The following OSBPL5 variants were observed in gnomAD, a reference collection of about 807,000 sequenced individuals.
OSBPL5 encodes oxysterol-binding protein-related protein 5.
A neutral mutation model predicts 111.2 loss-of-function variants in OSBPL5; 71 were observed. The ratio of observed to expected loss-of-function variants is 0.64; its 90% CI spans 0.53 to 0.78. The LOEUF (loss-of-function observed/expected upper bound fraction) is 0.78. Ranked by LOEUF, OSBPL5 falls within the 30% of genes least tolerant of loss-of-function variation. OSBPL5 has a pLI of 0.00. For synonymous variants in OSBPL5, 549 were observed against 513.9 expected (o/e 1.07, Z -0.93); for missense variants, 1,210 against 1,189.3 (o/e 1.02, Z -0.26).
chr11:3,101,787 C>T (rs1051387167), intron 12 of OSBPL5, 88 bp from the exon 13 acceptor site: 2 of 1,094,580 alleles, frequency 1.8e-6, no homozygotes, highest in Admixed American at 4.1e-5. Context: ...AAAACCTGTC[C>T]CTGTCCCTGA....
intron 1 of OSBPL5, among the ~76,000 whole-genome samples, chr11:3,135,047 C>T (rs1279851543): frequency 6.6e-6 from 1 of 152,212 alleles, no homozygotes; most frequent in African/African-American, 2.4e-5. Context: ...GCAGGGGGCT[C>T]CTCCTTCTTC....
chr11:3,134,681 G>GAA (rs1173018428), intron 1 of OSBPL5, among the ~76,000 whole-genome samples: 2 of 152,262 alleles, frequency 1.3e-5, no homozygotes, highest in Non-Finnish European at 2.9e-5. Flanking sequence ...GCTGTCCACC[G>GAA]AAAGAATGTG....
chr11:3,127,674 C>T (rs565037707), intron 2 of OSBPL5, among the ~76,000 whole-genome samples: 1 of 152,360 alleles, frequency 6.6e-6, no homozygotes, highest in East Asian at 1.9e-4. Flanking sequence ...GTTCTAGGGG[C>T]TTGGCCTGTG....
At chr11:3,101,177 G>A (rs1163772237) in intron 13 of OSBPL5, among the ~76,000 whole-genome samples, 1 of 151,984 alleles carries the variant, frequency 6.6e-6, no homozygotes, top group East Asian at 1.9e-4. Flanking sequence ...GTTTCACCAT[G>A]TTGGACAGTC....
At chr11:3,152,949 A>G (rs1465935038) in intron 1 of OSBPL5, among the ~76,000 whole-genome samples, 1 of 152,008 alleles carries the variant, frequency 6.6e-6, no homozygotes, top group African/African-American at 2.4e-5. Flanking sequence ...TTTTCTAACA[A>G]TCTTACTCAT....
rs898491161 is a variant in OSBPL5 at position 3,107,137 on chromosome 11, T to A, written c.1059+126A>T. 12 of 986,294 alleles carry A rather than the reference T, an allele frequency of 1.2e-5. No individual in the cohort carries two copies. Among genetic ancestry groups the A allele is most frequent in the African/African-American group, 3.3e-5 (2 of 60,932 alleles). 61.1% of individuals were successfully genotyped at this position (986,294 alleles called of 1,614,324 possible). ...AGCTCCTGGACTCACTGCCAAGTGATGGGGACAAAAGCTACCCCCTGGGCC... is the reference window on the plus strand; with the variant it reads ...AGCTCCTGGACTCACTGCCAAGTGAAGGGGACAAAAGCTACCCCCTGGGCC... On this transcript the variant is annotated intron_variant, in intron 9 of 21. Coordinates refer to ENST00000263650, the MANE Select transcript of OSBPL5 (RefSeq NM_020896.4). The surrounding 1 kb of genome is among the most constrained non-coding windows in gnomAD (Gnocchi z 6.1).
intron 1 of OSBPL5, chr11:3,164,187 T>A (rs1023722316): frequency 6.6e-6 from 1 of 152,154 alleles, no homozygotes; most frequent in African/African-American, 2.4e-5. Context: ...AAAGGCACCT[T>A]GAAGAGACTG....
At chr11:3,153,785 G>A (rs903998762) in intron 1 of OSBPL5, among the ~76,000 whole-genome samples, 3 of 152,274 alleles carry the variant, frequency 2.0e-5, no homozygotes, top group African/African-American at 4.8e-5. Context: ...CACGACTCCC[G>A]AGTGGCCCAC....
intron 1 of OSBPL5, among the ~76,000 whole-genome samples, chr11:3,152,912 G>C (rs1021016994): frequency 6.6e-6 from 1 of 152,088 alleles, no homozygotes; most frequent in Non-Finnish European, 1.5e-5. Context: ...TCCTCCTGCC[G>C]CGTCCGTCCG....
chr11:3,149,407 G>A (rs978706332), intron 1 of OSBPL5, among the ~76,000 whole-genome samples: 2 of 152,252 alleles, frequency 1.3e-5, no homozygotes, highest in Admixed American at 6.5e-5. Flanking sequence ...CTCTGGTGAG[G>A]GAGGCAGTGA....
At chr11:3,123,513 C>T (rs1014284754) in intron 3 of OSBPL5, among the ~76,000 whole-genome samples, 49 of 152,378 alleles carry the variant, frequency 3.2e-4, no homozygotes, top group African/African-American at 9.1e-4. Context: ...GTACCTGGAA[C>T]GGAGCCTGCG....
In OSBPL5 at chr11:3,163,294, G is replaced by A. The variant is rs541662099; in HGVS notation, c.-22+1922C>T. ...ACCTGCACACTGTGCCTGTATGTGT[G>A]CAAACGTGTGCAGGCTTAACCACAG... On this transcript the variant is annotated intron_variant, in intron 1 of 21. Transcript: ENST00000263650. Among the ~76,000 whole-genome samples, 8 of 152,304 alleles carry A rather than the reference G, an allele frequency of 5.3e-5. No homozygotes were observed. In the South Asian group the frequency reaches 1.7e-3, roughly 32 times the overall value.
intron 17 of OSBPL5, chr11:3,093,295 C>T: frequency 1.3e-6 from 1 of 774,138 alleles, no homozygotes; most frequent in Non-Finnish European, 2.0e-6. Flanking sequence ...TGGTCACTCG[C>T]CGGCAGTGAT....
chr11:3,122,401 C>G lies in OSBPL5; in HGVS notation c.247G>C (p.Asp83His), dbSNP rs967779364. The change falls in exon 4 of 22, where the codon GAC becomes CAC. Residue 83 changes from aspartate (D) to histidine (H), a missense_variant. Transcript: ENST00000263650. ...GCGGTGGGGGACACACATTCCTTGTCTGACCCGTTGCACAGCCTGTACTCT... is the reference window on the plus strand; with the variant it reads ...GCGGTGGGGGACACACATTCCTTGTGTGACCCGTTGCACAGCCTGTACTCT... Reference protein sequence around the residue: ...PAEYRLCNGSDKECVSPTARV... With the variant: ...PAEYRLCNGSHKECVSPTARV... The G allele has an allele frequency of 6.2e-7, 1 of 1,613,812 alleles. No homozygotes were observed. The highest frequency in any genetic ancestry group is 8.5e-7 in the Non-Finnish European group (1 of 1,179,990).
intron 1 of OSBPL5, 39 bp from the exon 2 acceptor site, chr11:3,129,208 C>T: frequency 7.4e-7 from 1 of 1,358,100 alleles, no homozygotes; most frequent in Non-Finnish European, 9.5e-7. Context: ...AGGTCACCGC[C>T]CCGGAAGGGG....
intron 2 of OSBPL5, among the ~76,000 whole-genome samples, chr11:3,127,988 C>T (rs955208396): frequency 6.6e-6 from 1 of 152,220 alleles, no homozygotes; most frequent in African/African-American, 2.4e-5. Context: ...CCCCTCCCCA[C>T]CCCTGACTCT....
At chr11:3,160,132 G>A (rs1846910714) in intron 1 of OSBPL5, among the ~76,000 whole-genome samples, 1 of 152,020 alleles carries the variant, frequency 6.6e-6, no homozygotes, top group African/African-American at 2.4e-5. Flanking sequence ...AAATTTGGGT[G>A]ACTTCCTAAG....
chr11:3,128,218 T>TC (rs974924116), intron 2 of OSBPL5, among the ~76,000 whole-genome samples: 8 of 151,850 alleles, frequency 5.3e-5, no homozygotes, highest in Non-Finnish European at 8.8e-5. Context: ...GCTCTCCCAC[T>TC]CCCCCCAGGG....
At chr11:3,102,373 G>A in intron 11 of OSBPL5, 92 bp from the exon 12 acceptor site, 1 of 1,210,644 alleles carries the variant, frequency 8.3e-7, no homozygotes, top group South Asian at 1.3e-5. Flanking sequence ...GGGCAGCGTG[G>A]GTGGGCTACC....
Sources: allele counts gnomAD v4.1 joint callset (sites outside exome capture counted in the v4.1 genomes callset), GRCh38; gene constraint gnomAD v4.1.1; non-coding constraint Gnocchi (gnomAD v3.1); transcripts MANE v1.5; gene names NCBI Gene and HGNC (gene_info 2026-07-23, HGNC 2026-07-21).